The following NEIL1 variants were observed in gnomAD, a reference collection of about 807,000 sequenced individuals.
NEIL1 encodes the protein endonuclease 8-like 1.
A neutral mutation model predicts 44.2 loss-of-function variants in NEIL1; 31 were observed. The ratio of observed to expected loss-of-function variants is 0.70; its 90% CI spans 0.53 to 0.95. NEIL1 has a LOEUF of 0.95. Ranked by LOEUF, NEIL1 falls within the 40% of genes least tolerant of loss-of-function variation. The probability of loss-of-function intolerance (pLI) is 0.00; values close to 1 mark genes in which losing one functional copy is unlikely to be tolerated. For synonymous variants in NEIL1, 254 were observed against 209.7 expected (o/e 1.21, Z -1.83); for missense variants, 549 against 515.5 (o/e 1.07, Z -0.63).
At chr15:75,351,620 T>G (rs1206862551) in intron 2 of NEIL1, among the ~76,000 whole-genome samples, 2 of 152,066 alleles carry the variant, frequency 1.3e-5, no homozygotes, top group Non-Finnish European at 2.9e-5. Flanking sequence ...AATTTATTTT[T>G]AATTTTGTTT....
intron 5 of NEIL1, chr15:75,353,178 A>T (rs1306725287): frequency 5.5e-6 from 1 of 180,918 alleles, no homozygotes; most frequent in African/African-American, 2.4e-5. Flanking sequence ...TGTTTCCTCC[A>T]AGCTGCCCAT....
In NEIL1 at chr15:75,355,881, C is replaced by T. The variant is rs1286359839; in HGVS notation, c.*847C>T. ...AATTAGGAGTCCCCAGAGCCTTCTA[C>T]AAACAAAACCCCAGCCCCAGGGACT... On this transcript the variant is annotated 3_prime_UTR_variant, in exon 10 of 10. Coordinates refer to ENST00000355059, the MANE Select transcript of NEIL1 (RefSeq NM_024608.4). The T allele has an allele frequency of 2.5e-6, 4 of 1,613,470 alleles. No individual in the cohort carries two copies. Among genetic ancestry groups the T allele is most frequent in the Non-Finnish European group, 2.5e-6 (3 of 1,179,764 alleles).
In NEIL1 at chr15:75,355,012, C is replaced by T; in HGVS notation, c.1151C>T (p.Pro384Leu). The T allele has an allele frequency of 6.2e-7, 1 of 1,614,044 alleles. No individual in the cohort carries two copies. The highest frequency in any genetic ancestry group is 8.5e-7 in the Non-Finnish European group (1 of 1,179,964). Residue 384 changes from proline to leucine, a missense_variant, in exon 10 of 10, where the codon CCA becomes CTA. By Grantham distance (98) the Pro-to-Leu change is moderately conservative. Coordinates refer to ENST00000355059, the MANE Select transcript of NEIL1 (RefSeq NM_024608.4). ...AAGGCTGACATCCCATCCTTGGAAC[C>T]AGAGGGGACCTCAGCCTCTTAGCAG... ...KVKADIPSLE[P>L]EGTSAS
At chr15:75,350,466 T>C (rs2071801559) in intron 2 of NEIL1, among the ~76,000 whole-genome samples, 1 of 152,182 alleles carries the variant, frequency 6.6e-6, no homozygotes, top group Non-Finnish European at 1.5e-5. Context: ...AGCTGAGGCC[T>C]GACTGATGAG....
chr15:75,349,542 T>C, intron 2 of NEIL1: 1 of 596,520 alleles, frequency 1.7e-6, no homozygotes, highest in East Asian at 2.8e-5. Flanking sequence ...GGGCCGGGTG[T>C]GGTGGCTCAA....
At chr15:75,349,511 T>C (rs2071716712) in intron 2 of NEIL1, 172 bp downstream of exon 2, 1 of 669,678 alleles carries the variant, frequency 1.5e-6, no homozygotes, top group Admixed American at 3.0e-5. Flanking sequence ...CCAGTGGGCA[T>C]GGAAACTCAA....
intron 9 of NEIL1, 44 bp from the exon 10 acceptor site, chr15:75,354,919 AG>A (rs1567261639): frequency 7.6e-5 from 123 of 1,611,908 alleles, no homozygotes; most frequent in Admixed American, 2.9e-4. Flanking sequence ...CTGCCATGGC[AG>A]CCCCTGGAGT....
At position 75,352,125 on chromosome 15, in the gene NEIL1, G is replaced by C; in HGVS notation, c.449G>C (p.Arg150Pro). The change falls in exon 3 of 10, where the codon CGA (arginine) becomes CCA (proline). Residue 150 changes from arginine (R) to proline (P), a missense_variant. Coordinates refer to ENST00000355059, the MANE Select transcript of NEIL1 (RefSeq NM_024608.4). The part of the protein sequence containing the change: ...EYQQFRENVL[R>P]NLADKAFDRP... ...TGTTCCTCCAGGGAGAATGTGCTAC[G>C]AAACCTAGCGGATAAGGCCTTTGAC... 6.2e-7 allele frequency: 1 copy of C among 1,614,182 alleles called. No homozygotes were observed. Among genetic ancestry groups the C allele is most frequent in the Admixed American group, 1.7e-5 (1 of 60,028 alleles).
Position 75,352,700 on chromosome 15 carries a change from G to A in NEIL1, c.717G>A (p.Leu239=). The A allele has an allele frequency of 5.6e-6, 9 of 1,609,118 alleles. No individual in the cohort carries two copies. Among genetic ancestry groups the A allele is most frequent in the Non-Finnish European group, 7.6e-6 (9 of 1,177,642 alleles). The change falls in exon 5 of 10, where the codon TTG becomes TTA. Residue 239 remains leucine, a splice_region_variant and synonymous_variant. Coordinates refer to ENST00000355059, the MANE Select transcript of NEIL1 (RefSeq NM_024608.4). ...CAGTGCCCAAGGAAGTGGTCCAGTT[G>A]GGTGAGGCCAAAGATGGCAGCAACC... ...CHSVPKEVVQ[L]GGKGYGSESG...
At chr15:75,350,963 G>A (rs147506554) in intron 2 of NEIL1, among the ~76,000 whole-genome samples, 4 of 152,072 alleles carry the variant, frequency 2.6e-5, no homozygotes, top group Admixed American at 6.5e-5. Flanking sequence ...ACCCTTTTCC[G>A]CAAAGAAACA....
In NEIL1 at chr15:75,355,654, T is replaced by C. The variant is rs2072268826; in HGVS notation, c.*620T>C. On this transcript the variant is annotated 3_prime_UTR_variant, in exon 10 of 10. Coordinates refer to ENST00000355059, the MANE Select transcript of NEIL1 (RefSeq NM_024608.4). The stretch of plus-strand genomic sequence containing the variant: ...GGTCCCCAGTCTCTCCTGTGGGGGC[T>C]GCAACCCAGACCCTGCACGCACAGG... The C allele has an allele frequency of 2.1e-6, 1 of 467,842 alleles. No homozygotes were observed. Among genetic ancestry groups the C allele is most frequent in the African/African-American group, 2.0e-5 (1 of 50,832 alleles). The allele number at this position is 467,842 out of a possible 1,614,324, so 29.0% of individuals were successfully genotyped here.
chr15:75,352,458 T>C, intron 4 of NEIL1, 71 bp downstream of exon 4: 1 of 1,588,270 alleles, frequency 6.3e-7, no homozygotes, highest in South Asian at 1.1e-5. Context: ...AGGAGATGGG[T>C]GGGGTCAGGT....
rs758289208 is a variant in NEIL1, at chr15:75,356,889, C to T, written c.*1855C>T. The T allele has an allele frequency of 1.1e-5, 17 of 1,613,898 alleles. No individual in the cohort carries two copies. In the Admixed American group the frequency reaches 1.2e-4, roughly 11 times the overall value. On this transcript the variant is annotated 3_prime_UTR_variant, in exon 10 of 10. Transcript: ENST00000355059. The surrounding 1 kb of genome is among the most constrained non-coding windows in gnomAD (Gnocchi z 5.8). ...GCCGTGTTCTGACAGATCCATCCAG[C>T]GATGGGCCCACACCTGGAGGGCAGA...
In NEIL1 at chr15:75,352,217, G is replaced by A. The variant is rs749636951; in HGVS notation, c.541G>A (p.Glu181Lys). Residue 181 changes from glutamate to lysine, a missense_variant, in exon 3 of 10, where the codon GAG (glutamate) becomes AAG (lysine). Physicochemically the swap from Glu to Lys is moderately conservative, Grantham distance 56. Coordinates refer to ENST00000355059, the MANE Select transcript of NEIL1 (RefSeq NM_024608.4). ...TGGCATTGGCAACTATCTGCGGGCA[G>A]AGATCCTGTACCGGTCAGCAAGCAG... ...FNGIGNYLRAEILYRLKIPPF... is the reference protein window; with the variant it reads ...FNGIGNYLRAKILYRLKIPPF... 1.1e-5 allele frequency: 17 copies of A among 1,614,158 alleles called. No homozygotes were observed. Among genetic ancestry groups the A allele is most frequent in the Admixed American group, 1.7e-5 (1 of 60,014 alleles).
Position 75,354,744 on chromosome 15 carries a change from C to G in NEIL1, c.1028C>G (p.Thr343Ser). The change falls in exon 9 of 10, where the codon ACC (threonine) becomes AGC (serine). Residue 343 changes from threonine to serine, a missense_variant. Coordinates refer to ENST00000355059, the MANE Select transcript of NEIL1 (RefSeq NM_024608.4). ...ACTGCAACCCAGCGGCCTGAGGGGACCAGCCTCCAGCAGGACCCAGAAGCT... is the reference window on the plus strand; with the variant it reads ...ACTGCAACCCAGCGGCCTGAGGGGAGCAGCCTCCAGCAGGACCCAGAAGCT... ...KRTATQRPEG[T>S]SLQQDPEAPT... The G allele has an allele frequency of 6.2e-7, 1 of 1,614,152 alleles. No individual in the cohort carries two copies. Among genetic ancestry groups the G allele is most frequent in the Non-Finnish European group, 8.5e-7 (1 of 1,180,022 alleles).
rs761509403 is a variant in NEIL1, at chr15:75,349,283, G to A, written c.378G>A (p.Gly126=). ...GCCGGTTCGGCCGCTGGGACCTTGG[G>A]GGAAAGTGGCAGCCGGGCCGCGGGC... ...DIRRFGRWDL[G]GKWQPGRGPC... The change falls in exon 2 of 10, where the codon GGG becomes GGA. Residue 126 remains glycine (G), a synonymous_variant. Coordinates refer to ENST00000355059, the MANE Select transcript of NEIL1 (RefSeq NM_024608.4). The A allele has an allele frequency of 5.3e-5, 85 of 1,611,732 alleles. No homozygotes were observed. The highest frequency in any genetic ancestry group is 7.1e-5 in the Non-Finnish European group (84 of 1,179,572).
At chr15:75,351,769 C>A (rs1208920870) in intron 2 of NEIL1, among the ~76,000 whole-genome samples, 1 of 152,010 alleles carries the variant, frequency 6.6e-6, no homozygotes, top group Non-Finnish European at 1.5e-5. Flanking sequence ...ATTACAGGCA[C>A]CCACCATCAT....
intron 2 of NEIL1, among the ~76,000 whole-genome samples, chr15:75,349,995 GGTAA>G (rs1026562373): frequency 3.3e-5 from 5 of 152,178 alleles, no homozygotes; most frequent in South Asian, 2.1e-4. Context: ...GCTTTAATAT[GGTAA>G]GTGAGGCTGA....
intron 6 of NEIL1, 174 bp downstream of exon 6, chr15:75,354,040 G>C: frequency 9.3e-7 from 1 of 1,080,722 alleles, no homozygotes; most frequent in Non-Finnish European, 1.3e-6. Context: ...GCAGCTAGTG[G>C]AAGTAGCCCA....
Sources: allele counts gnomAD v4.1 joint callset (sites outside exome capture counted in the v4.1 genomes callset), GRCh38; gene constraint gnomAD v4.1.1; non-coding constraint Gnocchi (gnomAD v3.1); transcripts MANE v1.5; gene names NCBI Gene and HGNC (gene_info 2026-07-23, HGNC 2026-07-21).